Variants in GALNT17 observed in about 807,000 individuals in gnomAD.
The protein encoded by GALNT17 is UDP-GalNAc:polypeptide N-acetylgalactosaminyltransferase-like 3.
In GALNT17, 29 loss-of-function variants were observed where a neutral mutation model predicts 63.7. That is an observed-to-expected ratio of 0.46 (90% CI 0.34 to 0.62). The LOEUF (loss-of-function observed/expected upper bound fraction) is 0.62. Ranked by LOEUF, GALNT17 falls within the 20% of genes least tolerant of loss-of-function variation. GALNT17 has a pLI of 0.01. For missense variants in GALNT17, 603 were observed against 799.6 expected (o/e 0.75, Z 2.97); for synonymous variants, 305 against 318.3 (o/e 0.96, Z 0.45).
At chr7:71,354,259 A>G (rs1792242087) in intron 2 of GALNT17, among the ~76,000 whole-genome samples, 1 of 152,180 alleles carries the variant, frequency 6.6e-6, no homozygotes, top group Admixed American at 6.5e-5. Context: ...TACCTCCAGG[A>G]CAATGTTGAA....
At chr7:71,379,885 G>A (rs932824329) in intron 2 of GALNT17, among the ~76,000 whole-genome samples, 2 of 152,106 alleles carry the variant, frequency 1.3e-5, no homozygotes, top group Non-Finnish European at 2.9e-5. Context: ...CGTTTATGAA[G>A]AGAGAACAGT....
intron 1 of GALNT17, among the ~76,000 whole-genome samples, chr7:71,243,466 G>A (rs1283700645): frequency 6.6e-6 from 1 of 152,146 alleles, no homozygotes; most frequent in Non-Finnish European, 1.5e-5. Flanking sequence ...GCTTTATGAT[G>A]TATAACATGT....
At chr7:71,240,733 C>A (rs576696580) in intron 1 of GALNT17, among the ~76,000 whole-genome samples, 2 of 150,500 alleles carry the variant, frequency 1.3e-5, no homozygotes, top group African/African-American at 4.9e-5. Flanking sequence ...GGTGCGATCT[C>A]GGCTCACTGC....
At chr7:71,503,488 C>T (rs549219440) in intron 5 of GALNT17, among the ~76,000 whole-genome samples, 1 of 152,230 alleles carries the variant, frequency 6.6e-6, no homozygotes, top group South Asian at 2.1e-4. Flanking sequence ...CTGCCCACCC[C>T]GGCCTCCCAA....
At chr7:71,367,862 A>G (rs1466411533) in intron 2 of GALNT17, among the ~76,000 whole-genome samples, 1 of 152,214 alleles carries the variant, frequency 6.6e-6, no homozygotes, top group Non-Finnish European at 1.5e-5. Context: ...TCAAGGAAGT[A>G]CCTTTTACTG....
intron 1 of GALNT17, among the ~76,000 whole-genome samples, chr7:71,252,490 A>G (rs985780988): frequency 1.3e-5 from 2 of 152,104 alleles, no homozygotes; most frequent in Admixed American, 6.6e-5. Flanking sequence ...GTACCACTGC[A>G]CCCCACTGGG....
At chr7:71,615,129 G>A (rs996688713) in intron 6 of GALNT17, among the ~76,000 whole-genome samples, 9 of 152,174 alleles carry the variant, frequency 5.9e-5, no homozygotes, top group African/African-American at 1.7e-4. Flanking sequence ...GCCCTGACTG[G>A]GAGGCTGCTG....
chr7:71,221,934 C>T lies in GALNT17; in HGVS notation c.238+88894C>T, dbSNP rs538104887. Among the ~76,000 whole-genome samples, 109 of 82,096 alleles carry T rather than the reference C, an allele frequency of 1.3e-3. 3 individuals carry two copies. Among genetic ancestry groups the T allele is most frequent in the African/African-American group, 3.5e-3 (95 of 27,098 alleles). 53.9% of individuals were successfully genotyped at this position (82,096 alleles called of 152,430 possible). On this transcript the variant is annotated intron_variant, in intron 1 of 10. Coordinates refer to ENST00000333538, the MANE Select transcript of GALNT17 (RefSeq NM_022479.3). ...TTTTTTTTTTTTTTTTTTTTTTTGACGAAGTCTTTGTTTCCTAGGCTGGAA... is the reference window on the plus strand; with the variant it reads ...TTTTTTTTTTTTTTTTTTTTTTTGATGAAGTCTTTGTTTCCTAGGCTGGAA...
chr7:71,504,217 A>C, intron 5 of GALNT17, among the ~76,000 whole-genome samples: 1 of 143,942 alleles, frequency 6.9e-6, no homozygotes, highest in Admixed American at 7.0e-5. Context: ...ACAGAGCGAG[A>C]CTCCATCTCA....
intron 2 of GALNT17, among the ~76,000 whole-genome samples, chr7:71,348,942 A>G (rs1312665930): frequency 2.6e-5 from 4 of 152,230 alleles, no homozygotes; most frequent in Non-Finnish European, 5.9e-5. Flanking sequence ...CCAGGCGTCT[A>G]CATGGGCACA....
intron 5 of GALNT17, among the ~76,000 whole-genome samples, chr7:71,476,540 T>C (rs911560825): frequency 3.3e-5 from 5 of 151,224 alleles, no homozygotes; most frequent in African/African-American, 1.2e-4. Context: ...AACCTATAGG[T>C]TGACTAATTG....
chr7:71,168,393 G>A (rs772776636), intron 1 of GALNT17, among the ~76,000 whole-genome samples: 1 of 152,040 alleles, frequency 6.6e-6, no homozygotes, highest in African/African-American at 2.4e-5. Flanking sequence ...CCAACATGGT[G>A]AAGCCCCGTC....
In GALNT17 at chr7:71,705,175, CAAAT is replaced by C. The variant is rs773597627; in HGVS notation, c.1501-5583_1501-5580del. Among the ~76,000 whole-genome samples the C allele has an allele frequency of 5.3e-5, 8 of 152,126 alleles. No individual in the cohort carries two copies. The South Asian group carries it at 1.0e-3, about 20-fold the overall frequency. The stretch of plus-strand genomic sequence containing the variant: ...CTCTTAAAACTCAAAAATAAGAAGA[CAAAT>C]AACCCTTTTTTTGATGGTCAAAAGA... On this transcript the variant is annotated intron_variant, in intron 9 of 10. Coordinates refer to ENST00000333538, the MANE Select transcript of GALNT17 (RefSeq NM_022479.3).
At chr7:71,138,805 C>T (rs936008853) in intron 1 of GALNT17, among the ~76,000 whole-genome samples, 1 of 151,990 alleles carries the variant, frequency 6.6e-6, no homozygotes, top group Non-Finnish European at 1.5e-5. Flanking sequence ...GAAACCCTGT[C>T]TCTACAAAAA....
At chr7:71,613,416 AC>A (rs371554491) in intron 6 of GALNT17, among the ~76,000 whole-genome samples, 8 of 152,362 alleles carry the variant, frequency 5.3e-5, no homozygotes, top group African/African-American at 1.4e-4. Flanking sequence ...CAGAGCAATC[AC>A]ATTAAGGAAA....
At chr7:71,454,304 A>G (rs1229548578) in intron 5 of GALNT17, among the ~76,000 whole-genome samples, 2 of 152,148 alleles carry the variant, frequency 1.3e-5, no homozygotes, top group South Asian at 2.1e-4. Flanking sequence ...GCTCCCACTT[A>G]CAAGTGAGAA....
chr7:71,287,645 A>G (rs746702221), intron 1 of GALNT17, among the ~76,000 whole-genome samples: 1 of 152,228 alleles, frequency 6.6e-6, no homozygotes, highest in Non-Finnish European at 1.5e-5. Flanking sequence ...GTCAACTGAA[A>G]GCTTTACCAA....
intron 6 of GALNT17, among the ~76,000 whole-genome samples, chr7:71,604,270 A>G (rs1159564437): frequency 6.6e-6 from 1 of 151,190 alleles, no homozygotes; most frequent in African/African-American, 2.4e-5. Context: ...ACTATGCTAA[A>G]TGCATACACC....
At chr7:71,525,740 T>TG (rs1173218503) in intron 5 of GALNT17, among the ~76,000 whole-genome samples, 1 of 141,116 alleles carries the variant, frequency 7.1e-6, no homozygotes, top group East Asian at 2.0e-4. Flanking sequence ...TCTTTTCTTT[T>TG]TTTTTTTTTT....
Sources: allele counts gnomAD v4.1 joint callset (sites outside exome capture counted in the v4.1 genomes callset), GRCh38; gene constraint gnomAD v4.1.1; transcripts MANE v1.5; gene names NCBI Gene and HGNC (gene_info 2026-07-23, HGNC 2026-07-21).